TAF3: variants seen among roughly 807,000 people sequenced by gnomAD.
The protein encoded by TAF3 is TATA-box binding protein associated factor 3, also known as transcription initiation factor TFIID subunit 3.
A neutral mutation model predicts 80.6 loss-of-function variants in TAF3; 7 were observed. The ratio of observed to expected loss-of-function variants is 0.09; its 90% CI spans 0.05 to 0.16. TAF3 has a LOEUF of 0.16. Among genes scored for constraint, TAF3 ranks in the 10% least tolerant of loss-of-function variants. The pLI is 1.00. For synonymous variants in TAF3, 444 were observed against 446.1 expected (o/e 1.00, Z 0.06); for missense variants, 921 against 1,140.2 (o/e 0.81, Z 2.77).
intron 2 of TAF3, among the ~76,000 whole-genome samples, chr10:7,900,038 C>G (rs573922292): frequency 6.6e-6 from 1 of 152,274 alleles, no homozygotes; most frequent in South Asian, 2.1e-4. Flanking sequence ...TATTTGCCTC[C>G]CCATTACATG....
Position 7,964,470 on chromosome 10 carries a change from T to C in TAF3, c.960T>C (p.Ser320=), listed in dbSNP as rs1386369012. 1 of 1,612,858 alleles carries C rather than the reference T, an allele frequency of 6.2e-7. No individual in the cohort carries two copies. Among genetic ancestry groups the C allele is most frequent in the South Asian group, 1.1e-5 (1 of 90,992 alleles). The change falls in exon 3 of 7, where the codon AGT becomes AGC. Residue 320 remains serine, a synonymous_variant. Transcript: ENST00000344293. This position sits in a 1 kb window ranked among gnomAD's most constrained non-coding sequence, Gnocchi z 4.1. The part of the protein sequence containing the change: ...KSPGRSKSPK[S]PKSPKVTTHI... ...CTGGACGTTCCAAGAGCCCCAAGAG[T>C]CCCAAGAGCCCCAAGGTCACGACTC...
intron 2 of TAF3, among the ~76,000 whole-genome samples, chr10:7,954,906 T>C (rs1218470380): frequency 1.4e-5 from 2 of 140,940 alleles, no homozygotes; most frequent in African/African-American, 5.1e-5. Flanking sequence ...GAGCTCTCCA[T>C]AGTGAGATTC....
At position 7,967,730 on chromosome 10, in the gene TAF3, A is replaced by C. The variant is rs544471160; in HGVS notation, c.2232+1988A>C. Among the ~76,000 whole-genome samples the C allele has an allele frequency of 5.9e-5, 9 of 152,316 alleles. No homozygotes were observed. The South Asian group carries it at 1.2e-3, about 21-fold the overall frequency. On this transcript the variant is annotated intron_variant, in intron 3 of 6. Coordinates refer to ENST00000344293, the MANE Select transcript of TAF3 (RefSeq NM_031923.4). ...TGCTTAGTACCGTATCTGACGCATA[A>C]ATGTCAGTAGATGGAGAGAGTGTTC...
chr10:7,903,372 A>G (rs1212050225), intron 2 of TAF3, among the ~76,000 whole-genome samples: 1 of 152,230 alleles, frequency 6.6e-6, no homozygotes, highest in Non-Finnish European at 1.5e-5. Context: ...TTCTGGCACA[A>G]GAAGCCCCAG....
intron 2 of TAF3, among the ~76,000 whole-genome samples, chr10:7,931,673 A>C (rs745441238): frequency 2.0e-4 from 30 of 152,240 alleles, no homozygotes; most frequent in Admixed American, 8.5e-4. Context: ...TATGTTTTCA[A>C]ATCTCATTGT....
chr10:7,954,504 G>A (rs545283910), intron 2 of TAF3, among the ~76,000 whole-genome samples: 1 of 137,976 alleles, frequency 7.2e-6, no homozygotes, highest in African/African-American at 2.6e-5. Flanking sequence ...TCCATAGTGA[G>A]ATTCAGAGTG....
chr10:7,885,381 T>C lies in TAF3; in HGVS notation c.409+60821T>C, dbSNP rs543985641. ...TTCGTTTATTTCCATTTATATTTCTTTTTTAGGCTTTCCTCTCATGCTTGA... is the reference window on the plus strand; with the variant it reads ...TTCGTTTATTTCCATTTATATTTCTCTTTTAGGCTTTCCTCTCATGCTTGA... On this transcript the variant is annotated intron_variant, in intron 2 of 6. Transcript: ENST00000344293. Among the ~76,000 whole-genome samples, 24 of 152,284 alleles carry C rather than the reference T, an allele frequency of 1.6e-4. No homozygotes were observed. In the South Asian group the frequency reaches 5.0e-3, roughly 32 times the overall value.
rs1368405788 is a variant in TAF3, at chr10:8,015,896, A to AT, written c.*1149dup. The AT allele has an allele frequency of 6.6e-6, 1 of 151,670 alleles. No homozygotes were observed. Among genetic ancestry groups the AT allele is most frequent in the Non-Finnish European group, 1.5e-5 (1 of 67,940 alleles). The allele number at this position is 151,670 out of a possible 1,614,324, so 9.4% of individuals were successfully genotyped here. A position where few individuals can be genotyped will look rare whatever the true frequency, so the allele number is the denominator to read the frequency against. On this transcript the variant is annotated 3_prime_UTR_variant, in exon 7 of 7. Coordinates refer to ENST00000344293, the MANE Select transcript of TAF3 (RefSeq NM_031923.4). ...ACAAAAAACCCACATATACTGTAGC[A>AT]TTTTGTCTTTATATTGTTTTATTTC...
chr10:7,958,203 A>G (rs541735005), intron 2 of TAF3, among the ~76,000 whole-genome samples: 8 of 152,348 alleles, frequency 5.3e-5, no homozygotes, highest in Admixed American at 1.3e-4. Context: ...AACACTTAAA[A>G]CATAGAATTA....
rs569211493 is a variant in TAF3 at position 7,830,673 on chromosome 10, G to A, written c.409+6113G>A. On this transcript the variant is annotated intron_variant, in intron 2 of 6. Transcript: ENST00000344293. The stretch of plus-strand genomic sequence containing the variant: ...TAATTTTTGTATTTTTAGTAGAGAC[G>A]GGGTTTCACCATGTTGGCCAGGCTG... Among the ~76,000 whole-genome samples, 7 of 151,706 alleles carry A rather than the reference G, an allele frequency of 4.6e-5. No individual in the cohort carries two copies. In the East Asian group the frequency reaches 1.2e-3, roughly 25 times the overall value.
chr10:7,994,504 C>T (rs1029856163), intron 4 of TAF3, among the ~76,000 whole-genome samples: 6 of 152,074 alleles, frequency 3.9e-5, no homozygotes, highest in Non-Finnish European at 4.4e-5. Context: ...ATTACTGTTA[C>T]GTATTTATTT....
At chr10:7,828,673 C>T in intron 2 of TAF3, among the ~76,000 whole-genome samples, 1 of 150,058 alleles carries the variant, frequency 6.7e-6, no homozygotes, top group Non-Finnish European at 1.5e-5. Context: ...ACAGTGTGGT[C>T]TCTAGATCAC....
intron 4 of TAF3, among the ~76,000 whole-genome samples, chr10:7,992,200 T>C (rs71481751): frequency 0.052 from 7,929 of 152,294 alleles, 261 homozygotes; most frequent in Middle Eastern, 0.092. Context: ...GCAAAAGCCT[T>C]TCTGAAATCA....
At chr10:7,946,178 C>A (rs897217738) in intron 2 of TAF3, among the ~76,000 whole-genome samples, 5 of 151,856 alleles carry the variant, frequency 3.3e-5, no homozygotes, top group Non-Finnish European at 7.4e-5. Flanking sequence ...ACTTCCTATA[C>A]CCTTCAAATA....
chr10:7,942,702 A>C (rs1023189629), intron 2 of TAF3, among the ~76,000 whole-genome samples: 1 of 152,194 alleles, frequency 6.6e-6, no homozygotes, highest in Non-Finnish European at 1.5e-5. Context: ...GGTGACAGTG[A>C]AATCCAGGGG....
At chr10:7,943,696 C>G (rs922050928) in intron 2 of TAF3, among the ~76,000 whole-genome samples, 6 of 152,188 alleles carry the variant, frequency 3.9e-5, no homozygotes, top group African/African-American at 1.2e-4. Flanking sequence ...GGCTTTTTCA[C>G]TTCTGTACCA....
Position 7,965,667 on chromosome 10 carries a change from G to A in TAF3, c.2157G>A (p.Lys719=), listed in dbSNP as rs750250992. ...AGAAGGAAAAAGAGAAGGAGAAGAA[G>A]GAGAAGGAAAGAGAGAAAGAGAAGA... is the stretch of plus-strand genomic sequence containing the variant. The part of the protein sequence containing the change: ...KKKKEKEKEK[K]EKEREKEKRE... Residue 719 remains lysine (K), a synonymous_variant, in exon 3 of 7, where the codon AAG becomes AAA. Coordinates refer to ENST00000344293, the MANE Select transcript of TAF3 (RefSeq NM_031923.4). The A allele has an allele frequency of 1.0e-5, 16 of 1,571,600 alleles. No homozygotes were observed. Among genetic ancestry groups the A allele is most frequent in the East Asian group, 4.6e-5 (2 of 43,722 alleles).
chr10:7,896,362 C>T (rs1837504256), intron 2 of TAF3, among the ~76,000 whole-genome samples: 1 of 152,152 alleles, frequency 6.6e-6, no homozygotes, highest in African/African-American at 2.4e-5. Flanking sequence ...CTGTCCTGTG[C>T]AACTACTCCC....
At chr10:7,960,968 G>T (rs1047926011) in intron 2 of TAF3, among the ~76,000 whole-genome samples, 10 of 152,268 alleles carry the variant, frequency 6.6e-5, no homozygotes, top group Middle Eastern at 3.4e-3. Flanking sequence ...TTTACAAACT[G>T]CTTCTGAAGG....
Sources: allele counts gnomAD v4.1 joint callset (sites outside exome capture counted in the v4.1 genomes callset), GRCh38; gene constraint gnomAD v4.1.1; non-coding constraint Gnocchi (gnomAD v3.1); transcripts MANE v1.5; gene names NCBI Gene and HGNC (gene_info 2026-07-23, HGNC 2026-07-21).